Variants in KCNIP4 observed in about 807,000 individuals in gnomAD.
The protein encoded by KCNIP4 is potassium voltage-gated channel interacting protein 4, also known as Kv channel-interacting protein 4.
A neutral mutation model predicts 34.0 loss-of-function variants in KCNIP4; 12 were observed. The observed-to-expected ratio is 0.35, with a 90% CI of 0.23 to 0.57. The LOEUF is 0.57. Ranked by LOEUF, KCNIP4 falls within the 20% of genes least tolerant of loss-of-function variation. The pLI is 0.83. For missense variants in KCNIP4, 238 were observed against 311.7 expected (o/e 0.76, Z 1.78); for synonymous variants, 124 against 102.2 (o/e 1.21, Z -1.29).
At chr4:21,253,180 T>C (rs903853715) in intron 1 of KCNIP4, among the ~76,000 whole-genome samples, 8 of 152,170 alleles carry the variant, frequency 5.3e-5, no homozygotes, top group East Asian at 1.9e-4. Context: ...ATTTCTTTTC[T>C]TTTTACCTGG....
chr4:21,712,254 T>A (rs1216280251), intron 1 of KCNIP4, among the ~76,000 whole-genome samples: 1 of 152,228 alleles, frequency 6.6e-6, no homozygotes, highest in East Asian at 1.9e-4. Flanking sequence ...GGGTCCTAGA[T>A]ACCATACTGT....
At chr4:21,574,376 G>A (rs1469052051) in intron 1 of KCNIP4, among the ~76,000 whole-genome samples, 4 of 151,842 alleles carry the variant, frequency 2.6e-5, no homozygotes, top group African/African-American at 9.7e-5. Flanking sequence ...AGATCAAAGA[G>A]AGTGTTCTAT....
intron 1 of KCNIP4, among the ~76,000 whole-genome samples, chr4:21,324,823 G>A (rs934329299): frequency 1.3e-5 from 2 of 151,456 alleles, no homozygotes; most frequent in African/African-American, 2.4e-5. Context: ...GATAGGAATT[G>A]CATCAAATCC....
intron 1 of KCNIP4, among the ~76,000 whole-genome samples, chr4:21,357,308 TG>T (rs1214161616): frequency 1.3e-5 from 2 of 152,020 alleles, no homozygotes; most frequent in African/African-American, 2.4e-5. Context: ...AAGCCAAAAT[TG>T]ACAAATGGGA....
At chr4:21,897,138 A>G (rs1002996257) in intron 1 of KCNIP4, among the ~76,000 whole-genome samples, 2 of 152,118 alleles carry the variant, frequency 1.3e-5, no homozygotes, top group Admixed American at 6.6e-5. Flanking sequence ...TACTTTTACT[A>G]TAAGAGAACA....
At chr4:20,877,051 A>G (rs1332603946) in intron 2 of KCNIP4, among the ~76,000 whole-genome samples, 1 of 152,164 alleles carries the variant, frequency 6.6e-6, no homozygotes, top group African/African-American at 2.4e-5. Context: ...ATGGTTCTGG[A>G]AGGCTGACCT....
intron 1 of KCNIP4, among the ~76,000 whole-genome samples, chr4:21,364,168 C>T (rs1719495877): frequency 6.6e-6 from 1 of 152,106 alleles, no homozygotes; most frequent in Admixed American, 6.6e-5. Flanking sequence ...GGAATTTCTG[C>T]CTCCAAACAT....
chr4:20,802,849 C>T (rs748483140), intron 3 of KCNIP4, among the ~76,000 whole-genome samples: 32 of 151,846 alleles, frequency 2.1e-4, no homozygotes, highest in African/African-American at 6.3e-4. Context: ...CCGAGGCGGG[C>T]GGACCACGAG....
chr4:20,941,613 C>A (rs1731646141), intron 1 of KCNIP4, among the ~76,000 whole-genome samples: 1 of 152,168 alleles, frequency 6.6e-6, no homozygotes, highest in Admixed American at 6.5e-5. Context: ...CGGCAAACAA[C>A]AAAATGCTAC....
chr4:21,200,558 G>A (rs1320867415), intron 1 of KCNIP4, among the ~76,000 whole-genome samples: 2 of 151,798 alleles, frequency 1.3e-5, no homozygotes, highest in African/African-American at 2.4e-5. Flanking sequence ...AATATTGCAT[G>A]TTCTCACTAA....
intron 1 of KCNIP4, among the ~76,000 whole-genome samples, chr4:21,283,847 C>CA (rs1762936792): frequency 6.6e-6 from 1 of 151,500 alleles, no homozygotes. Flanking sequence ...AAGACACACA[C>CA]ACAAAAAAAA....
At chr4:21,107,416 G>A (rs528776559) in intron 1 of KCNIP4, among the ~76,000 whole-genome samples, 3 of 150,816 alleles carry the variant, frequency 2.0e-5, no homozygotes, top group African/African-American at 7.4e-5. Context: ...AACTAGGATT[G>A]CAACCCCTGC....
intron 1 of KCNIP4, among the ~76,000 whole-genome samples, chr4:21,356,700 G>C (rs1360480921): frequency 1.3e-5 from 2 of 151,958 alleles, no homozygotes; most frequent in Non-Finnish European, 2.9e-5. Flanking sequence ...TTCCATATTT[G>C]TGGATAGGAA....
At chr4:21,430,418 G>A (rs1211785991) in intron 1 of KCNIP4, among the ~76,000 whole-genome samples, 1 of 151,642 alleles carries the variant, frequency 6.6e-6, no homozygotes, top group African/African-American at 2.4e-5. Flanking sequence ...AACAGTATGG[G>A]GGGGTGGGGT....
At chr4:21,296,990 ATGTG>A (rs977804974) in intron 1 of KCNIP4, among the ~76,000 whole-genome samples, 63 of 151,278 alleles carry the variant, frequency 4.2e-4, no homozygotes, top group Middle Eastern at 3.4e-3. Context: ...TTATATATGT[ATGTG>A]TGTGTGTATA....
intron 1 of KCNIP4, among the ~76,000 whole-genome samples, chr4:21,594,619 A>C (rs899200635): frequency 6.6e-6 from 1 of 151,662 alleles, no homozygotes; most frequent in Admixed American, 6.6e-5. Context: ...AGTAAAACAT[A>C]GTCAATAATC....
intron 1 of KCNIP4, among the ~76,000 whole-genome samples, chr4:20,924,416 A>G (rs149057057): frequency 6.6e-6 from 1 of 152,306 alleles, no homozygotes; most frequent in African/African-American, 2.4e-5. Context: ...AATAGTGTAC[A>G]TGTTTATGTA....
At chr4:21,913,609 G>A (rs1728463986) in intron 1 of KCNIP4, among the ~76,000 whole-genome samples, 1 of 152,096 alleles carries the variant, frequency 6.6e-6, no homozygotes, top group South Asian at 2.1e-4. Context: ...GCAATTTCTT[G>A]TGCCAAGCAT....
At chr4:21,897,980 G>A (rs954331681) in intron 1 of KCNIP4, among the ~76,000 whole-genome samples, 3 of 152,206 alleles carry the variant, frequency 2.0e-5, no homozygotes, top group East Asian at 3.9e-4. Flanking sequence ...AGTGATTATG[G>A]GACTTTGCAT....
Sources: allele counts gnomAD v4.1 joint callset (sites outside exome capture counted in the v4.1 genomes callset), GRCh38; gene constraint gnomAD v4.1.1; transcripts MANE v1.5; gene names NCBI Gene and HGNC (gene_info 2026-07-23, HGNC 2026-07-21).